CDH20: variants seen among roughly 807,000 people sequenced by gnomAD.
CDH20 encodes cadherin-20.
Under a neutral mutation model 74.2 loss-of-function variants are expected in CDH20, and 29 were observed. The observed-to-expected ratio is 0.39, with a 90% confidence interval of 0.29 to 0.53. The LOEUF is 0.53. CDH20 is among the 20% of genes least tolerant of loss of function. The pLI is 0.69. For missense variants in CDH20, 988 were observed against 1,048.3 expected (o/e 0.94, Z 0.79); for synonymous variants, 469 against 405.4 (o/e 1.16, Z -1.88).
chr18:61,452,575 T>TCTAC (rs1909430236), intron 1 of CDH20, among the ~76,000 whole-genome samples: 1 of 152,238 alleles, frequency 6.6e-6, no homozygotes, highest in African/African-American at 2.4e-5. Flanking sequence ...AATGTATTTG[T>TCTAC]CTACCACGAA....
At chr18:61,356,441 A>G (rs1411252664) in intron 1 of CDH20, among the ~76,000 whole-genome samples, 1 of 152,212 alleles carries the variant, frequency 6.6e-6, no homozygotes, top group Non-Finnish European at 1.5e-5. Context: ...ACAAAATCTT[A>G]CACCTTTAAT....
chr18:61,425,488 G>A (rs368821229), intron 1 of CDH20, among the ~76,000 whole-genome samples: 35 of 152,264 alleles, frequency 2.3e-4, no homozygotes, highest in African/African-American at 8.2e-4. Context: ...GGTAACCATA[G>A]CAAAGGCCTG....
chr18:61,367,057 G>C (rs1050946806), intron 1 of CDH20, among the ~76,000 whole-genome samples: 1 of 152,260 alleles, frequency 6.6e-6, no homozygotes, highest in East Asian at 1.9e-4. Flanking sequence ...ATAAGAAAAT[G>C]AGTCTATTGT....
intron 2 of CDH20, among the ~76,000 whole-genome samples, chr18:61,497,086 A>T: frequency 1.1e-5 from 1 of 88,460 alleles, no homozygotes; most frequent in African/African-American, 5.7e-5. Context: ...GAAGATTTGG[A>T]TTGTAAAAAA....
intron 1 of CDH20, among the ~76,000 whole-genome samples, chr18:61,478,610 G>T (rs1357107184): frequency 6.6e-6 from 1 of 152,132 alleles, no homozygotes; most frequent in Non-Finnish European, 1.5e-5. Flanking sequence ...TGTTGTAATT[G>T]TTCCCATTTA....
At chr18:61,523,431 G>C (rs944009336) in intron 6 of CDH20, among the ~76,000 whole-genome samples, 1 of 152,162 alleles carries the variant, frequency 6.6e-6, no homozygotes, top group African/African-American at 2.4e-5. Flanking sequence ...ATGCAGGAGA[G>C]GATGTGGAGA....
intron 1 of CDH20, among the ~76,000 whole-genome samples, chr18:61,476,788 C>T (rs1190126200): frequency 6.6e-6 from 1 of 152,206 alleles, no homozygotes; most frequent in Non-Finnish European, 1.5e-5. Flanking sequence ...GATGGCTTCA[C>T]TTTGCATTAA....
intron 1 of CDH20, among the ~76,000 whole-genome samples, chr18:61,476,329 A>C (rs1015815915): frequency 6.6e-6 from 1 of 152,102 alleles, no homozygotes; most frequent in Admixed American, 6.5e-5. Flanking sequence ...TGGAGAGACA[A>C]AGATGCCCGG....
Position 61,339,701 on chromosome 18 carries a change from T to TTTC in CDH20, c.-153+5876_-153+5877insCTT, listed in dbSNP as rs1555669182. Among the ~76,000 whole-genome samples, 757 of 122,946 alleles carry TTTC rather than the reference T, an allele frequency of 6.2e-3. 12 individuals are homozygous for TTTC. The highest frequency in any genetic ancestry group is 0.036 in the South Asian group (124 of 3,476). The allele number at this position is 122,946 out of a possible 152,430, so 80.7% of individuals were successfully genotyped here. Reference sequence around the variant, plus strand: ...TAGAAATTTTTTTTTTTTTTTTTTTTTTTTGAGATGGAGTCTCGCTCTGTC... The same window carrying TTTC: ...TAGAAATTTTTTTTTTTTTTTTTTTTTTCTTTTGAGATGGAGTCTCGCTCTGTC... On this transcript the variant is annotated intron_variant, in intron 1 of 11. Coordinates refer to ENST00000262717, the MANE Select transcript of CDH20 (RefSeq NM_031891.4).
chr18:61,342,523 T>G (rs1392473270), intron 1 of CDH20, among the ~76,000 whole-genome samples: 5 of 152,156 alleles, frequency 3.3e-5, no homozygotes, highest in Non-Finnish European at 5.9e-5. Context: ...CTACTGACAT[T>G]TTGCCTGGCA....
intron 2 of CDH20, among the ~76,000 whole-genome samples, chr18:61,494,073 G>A (rs149523416): frequency 1.3e-5 from 2 of 152,298 alleles, no homozygotes; most frequent in African/African-American, 4.8e-5. Context: ...AATGCTGTGA[G>A]GTGAGTATAA....
At chr18:61,360,398 C>T (rs1042127525) in intron 1 of CDH20, among the ~76,000 whole-genome samples, 15 of 152,192 alleles carry the variant, frequency 9.9e-5, no homozygotes, top group African/African-American at 3.4e-4. Context: ...TCTTCATTAA[C>T]ACTTAATGGA....
At chr18:61,361,377 A>G (rs1415218574) in intron 1 of CDH20, among the ~76,000 whole-genome samples, 8 of 152,212 alleles carry the variant, frequency 5.3e-5, no homozygotes, top group African/African-American at 1.9e-4. Flanking sequence ...GTTTTCAATT[A>G]TTAGTTGTTC....
intron 1 of CDH20, among the ~76,000 whole-genome samples, chr18:61,487,243 A>G (rs779590254): frequency 3.9e-5 from 6 of 152,160 alleles, no homozygotes; most frequent in South Asian, 4.1e-4. Flanking sequence ...CAATTAGCCC[A>G]CCCCAAACAC....
intron 1 of CDH20, among the ~76,000 whole-genome samples, chr18:61,453,469 T>C (rs1484553590): frequency 6.6e-6 from 1 of 152,058 alleles, no homozygotes; most frequent in Non-Finnish European, 1.5e-5. Flanking sequence ...TTAGTAGAGA[T>C]GGGGTTTCAC....
Position 61,392,519 on chromosome 18 carries a change from G to A in CDH20, c.-153+58692G>A, listed in dbSNP as rs1391795013. On this transcript the variant is annotated intron_variant, in intron 1 of 11. Coordinates refer to ENST00000262717, the MANE Select transcript of CDH20 (RefSeq NM_031891.4). ...TCACAGCTCTCTTCCTTCTTCCTCA[G>A]TCACCTTGTTACAGCTTGGAATTAT... Among the ~76,000 whole-genome samples the A allele has an allele frequency of 3.9e-5, 6 of 152,110 alleles. No individual in the cohort carries two copies. The East Asian group carries it at 1.2e-3, about 29-fold the overall frequency.
At position 61,399,902 on chromosome 18, in the gene CDH20, G is replaced by A. The variant is rs145218242; in HGVS notation, c.-153+66075G>A. 1.3e-3 allele frequency among the ~76,000 whole-genome samples: 194 copies of A among 152,258 alleles called. 1 individual carries two copies. The highest frequency in any genetic ancestry group is 4.3e-3 in the African/African-American group (178 of 41,550). On this transcript the variant is annotated intron_variant, in intron 1 of 11. Transcript: ENST00000262717. ...AGCACCAAATAAAGCCATTGATTCC[G>A]TGTATTATTCTGTCAGTTTTAATTG... is the stretch of plus-strand genomic sequence containing the variant.
intron 1 of CDH20, among the ~76,000 whole-genome samples, chr18:61,369,728 G>A (rs1441643615): frequency 6.6e-6 from 1 of 152,060 alleles, no homozygotes; most frequent in African/African-American, 2.4e-5. Context: ...GAAATACTAT[G>A]CCATAAAAAA....
At chr18:61,538,583 TGTTTG>T (rs376139376) in intron 8 of CDH20, among the ~76,000 whole-genome samples, 15,735 of 60,522 alleles carry the variant, frequency 0.26, 3,994 homozygotes, top group South Asian at 0.41. Context: ...AACTACTTTT[TGTTTG>T]TTTGTTTGTT....
Sources: gnomAD v4.1 joint callset for allele counts (sites outside exome capture counted in the v4.1 genomes callset) on GRCh38, gnomAD v4.1.1 for gene constraint, MANE v1.5 for transcripts, NCBI Gene and HGNC (gene_info 2026-07-23, HGNC 2026-07-21) for gene names.